The following MED27 variants were observed in gnomAD, a reference collection of about 807,000 sequenced individuals.
MED27 encodes the protein mediator complex subunit 27.
In MED27, 30 loss-of-function variants were observed where a neutral mutation model predicts 38.2. That is an observed-to-expected ratio of 0.79 (90% CI 0.59 to 1.07). The LOEUF (loss-of-function observed/expected upper bound fraction) is 1.07, where lower values mean the gene tolerates loss of function less well. Among genes scored for constraint, MED27 ranks in the 50% least tolerant of loss-of-function variants. The pLI is 0.00. For synonymous variants in MED27, 122 were observed against 153.5 expected, an observed-to-expected ratio of 0.79 and a Z score of 1.52; for missense variants, 289 against 397.5, an observed-to-expected ratio of 0.73 and a Z score of 2.32.
intron 3 of MED27, among the ~76,000 whole-genome samples, chr9:131,973,457 CT>C (rs747946439): frequency 1.8e-3 from 223 of 122,154 alleles, no homozygotes; most frequent in South Asian, 8.5e-3. Context: ...TTTTTCTTTT[CT>C]TTTTTTTTTT....
intron 3 of MED27, among the ~76,000 whole-genome samples, chr9:131,984,426 C>T (rs530040934): frequency 1.3e-5 from 2 of 152,270 alleles, no homozygotes; most frequent in South Asian, 4.1e-4. Flanking sequence ...ACTTGTTTGC[C>T]AGGCACTGTT....
intron 3 of MED27, among the ~76,000 whole-genome samples, chr9:131,949,130 A>G (rs1298135238): frequency 2.0e-5 from 3 of 152,222 alleles, no homozygotes; most frequent in Non-Finnish European, 2.9e-5. Context: ...TGATTTAGAG[A>G]AGAATTGTTT....
intron 3 of MED27, among the ~76,000 whole-genome samples, chr9:131,943,449 C>T (rs1361799371): frequency 3.9e-5 from 6 of 152,160 alleles, no homozygotes; most frequent in Non-Finnish European, 7.4e-5. Flanking sequence ...ACGGTGAGCA[C>T]GGCTAGCGTC....
intron 2 of MED27, among the ~76,000 whole-genome samples, chr9:132,018,401 A>G (rs1449953380): frequency 1.3e-5 from 2 of 152,228 alleles, no homozygotes; most frequent in Non-Finnish European, 2.9e-5. Flanking sequence ...ATTCAAATGC[A>G]AAGTTTCTGA....
chr9:131,942,559 T>C (rs1440180347), intron 3 of MED27, among the ~76,000 whole-genome samples: 2 of 152,194 alleles, frequency 1.3e-5, no homozygotes, highest in South Asian at 2.1e-4. Context: ...ATTGAGGCTA[T>C]TGTCCTCAAT....
chr9:131,929,426 C>T lies in MED27; in HGVS notation c.573+9955G>A, dbSNP rs372303588. Among the ~76,000 whole-genome samples the T allele has an allele frequency of 2.8e-4, 42 of 152,200 alleles. No individual in the cohort carries two copies. The East Asian group carries it at 2.9e-3, about 11-fold the overall frequency. The stretch of plus-strand genomic sequence containing the variant: ...GGGCACCAAGTGGGCTCTTGGGGTC[C>T]CTGAGTCCAGGCCTAGGCTCTTAGA... On this transcript the variant is annotated intron_variant, in intron 4 of 7. Coordinates refer to ENST00000292035, the MANE Select transcript of MED27 (RefSeq NM_004269.4).
chr9:131,895,206 C>T (rs1238681945), intron 4 of MED27, among the ~76,000 whole-genome samples: 1 of 152,190 alleles, frequency 6.6e-6, no homozygotes, highest in Admixed American at 6.5e-5. Context: ...GCTCACGTAA[C>T]TCTTCTAAGA....
At chr9:131,895,781 T>A (rs2131507144) in intron 4 of MED27, among the ~76,000 whole-genome samples, 1 of 152,310 alleles carries the variant, frequency 6.6e-6, no homozygotes, top group East Asian at 1.9e-4. Flanking sequence ...TTTTTTTGTG[T>A]TACTGAAAAT....
At chr9:131,877,423 C>A (rs4740325) in intron 6 of MED27, among the ~76,000 whole-genome samples, 127,828 of 151,962 alleles carry the variant, frequency 0.84, 53,887 homozygotes, top group Middle Eastern at 0.88. Context: ...CACACACACA[C>A]AAATTAGCTG....
At chr9:132,055,624 A>G (rs1833559524) in intron 2 of MED27, among the ~76,000 whole-genome samples, 3 of 152,204 alleles carry the variant, frequency 2.0e-5, no homozygotes, top group African/African-American at 7.2e-5. Context: ...ACTCACTCAT[A>G]GCACTCATAA....
At chr9:131,895,976 GC>G (rs1401337121) in intron 4 of MED27, among the ~76,000 whole-genome samples, 1 of 151,742 alleles carries the variant, frequency 6.6e-6, no homozygotes, top group East Asian at 1.9e-4. Flanking sequence ...TCGGCTCACT[GC>G]AACGTCCATC....
intron 4 of MED27, among the ~76,000 whole-genome samples, chr9:131,925,312 G>A (rs2131557467): frequency 6.6e-6 from 1 of 152,274 alleles, no homozygotes; most frequent in Middle Eastern, 3.4e-3. Context: ...TTTGATACAG[G>A]CATGCAATGC....
At chr9:131,996,559 C>T (rs185724945) in intron 3 of MED27, among the ~76,000 whole-genome samples, 7 of 152,276 alleles carry the variant, frequency 4.6e-5, no homozygotes, top group African/African-American at 9.6e-5. Flanking sequence ...CTCAAATGTA[C>T]GTAGTAGAAT....
intron 3 of MED27, among the ~76,000 whole-genome samples, chr9:131,968,397 C>T (rs1831400055): frequency 6.6e-6 from 1 of 150,496 alleles, no homozygotes; most frequent in African/African-American, 2.5e-5. Flanking sequence ...TCACTTGAGC[C>T]CAGGAGGTTG....
chr9:131,904,501 T>A (rs1282025862), intron 4 of MED27, among the ~76,000 whole-genome samples: 3 of 151,544 alleles, frequency 2.0e-5, no homozygotes, highest in Non-Finnish European at 4.4e-5. Flanking sequence ...TCTGGACTAA[T>A]TTTTCTTTTT....
intron 3 of MED27, among the ~76,000 whole-genome samples, chr9:131,976,787 A>G (rs925135733): frequency 2.0e-5 from 3 of 152,234 alleles, no homozygotes; most frequent in African/African-American, 7.2e-5. Flanking sequence ...AACCAAATAA[A>G]TGAATACAGC....
chr9:131,963,690 C>T (rs1032345534), intron 3 of MED27, among the ~76,000 whole-genome samples: 3 of 152,094 alleles, frequency 2.0e-5, no homozygotes, highest in African/African-American at 7.2e-5. Flanking sequence ...TTATTCCTAA[C>T]GAGAAAACAA....
At chr9:131,955,703 AG>A (rs1371803816) in intron 3 of MED27, among the ~76,000 whole-genome samples, 11 of 152,246 alleles carry the variant, frequency 7.2e-5, no homozygotes, top group African/African-American at 2.7e-4. Flanking sequence ...ACATCTAAAA[AG>A]CTTTACATCT....
chr9:131,905,718 A>C (rs1416076914), intron 4 of MED27, among the ~76,000 whole-genome samples: 5 of 109,570 alleles, frequency 4.6e-5, no homozygotes, highest in East Asian at 2.5e-4. Flanking sequence ...AAAAAAAAAA[A>C]AAAAAAAAAC....
Sources: allele counts gnomAD v4.1 joint callset (sites outside exome capture counted in the v4.1 genomes callset), GRCh38; gene constraint gnomAD v4.1.1; transcripts MANE v1.5; gene names NCBI Gene and HGNC (gene_info 2026-07-23, HGNC 2026-07-21).